The following MAF variants were observed in gnomAD, a reference collection of about 807,000 sequenced individuals.
The protein encoded by MAF is MAF bZIP transcription factor.
Under a neutral mutation model 22.0 loss-of-function variants are expected in MAF, and 10 were observed. That is an observed-to-expected ratio of 0.45 (90% CI 0.28 to 0.77). The LOEUF (loss-of-function observed/expected upper bound fraction) is 0.77. Ranked by LOEUF, MAF falls within the 30% of genes least tolerant of loss-of-function variation. MAF has a pLI of 0.12. For synonymous variants in MAF, 337 were observed against 255.8 expected, an observed-to-expected ratio of 1.32 and a Z score of -3.03; for missense variants, 544 against 548.4, an observed-to-expected ratio of 0.99 and a Z score of 0.08.
the MAF span, among the ~76,000 whole-genome samples, chr16:79,453,207 C>G: frequency 2.6e-5 from 4 of 152,156 alleles, no homozygotes; most frequent in African/African-American, 9.7e-5. Flanking sequence ...TTATCTGCCT[C>G]TATTCTGAGG....
At chr16:79,450,195 A>G in the MAF span, among the ~76,000 whole-genome samples, 3 of 152,222 alleles carry the variant, frequency 2.0e-5, no homozygotes, top group Admixed American at 2.0e-4. Context: ...TTTAAAACCA[A>G]ATAAACCCGC....
At chr16:79,276,818 G>T in the MAF span, among the ~76,000 whole-genome samples, 1 of 152,156 alleles carries the variant, frequency 6.6e-6, no homozygotes, top group Admixed American at 6.5e-5. Context: ...TCTCCCCACA[G>T]TTCTGGAGGC....
chr16:79,565,850 C>T, the MAF span, among the ~76,000 whole-genome samples: 11 of 152,120 alleles, frequency 7.2e-5, no homozygotes, highest in Non-Finnish European at 1.2e-4. Context: ...TGAAATATTC[C>T]GAGGTAGGCA....
At chr16:79,439,460 C>T in the MAF span, among the ~76,000 whole-genome samples, 12 of 151,900 alleles carry the variant, frequency 7.9e-5, no homozygotes, top group Admixed American at 2.6e-4. Flanking sequence ...CAGGGTTTCA[C>T]CTTGTTAGCC....
the MAF span, among the ~76,000 whole-genome samples, chr16:79,289,097 G>A: frequency 1.3e-5 from 2 of 152,198 alleles, no homozygotes; most frequent in African/African-American, 2.4e-5. Flanking sequence ...TTTGGTCTTA[G>A]TGAAGTATGA....
the MAF span, among the ~76,000 whole-genome samples, chr16:79,467,048 C>G: frequency 2.0e-4 from 30 of 152,246 alleles, no homozygotes; most frequent in Admixed American, 4.6e-4. Flanking sequence ...CTGGAAAGAT[C>G]TTTTCAATAT....
At chr16:79,343,333 G>A in the MAF span, among the ~76,000 whole-genome samples, 98 of 152,046 alleles carry the variant, frequency 6.4e-4, no homozygotes, top group African/African-American at 1.8e-3. Context: ...GACTTCCTAT[G>A]TTAGCCTCTG....
the MAF span, among the ~76,000 whole-genome samples, chr16:79,571,274 G>T: frequency 6.6e-6 from 1 of 152,092 alleles, no homozygotes; most frequent in African/African-American, 2.4e-5. Context: ...TGAAGAATCA[G>T]CTCCACCCTC....
the MAF span, among the ~76,000 whole-genome samples, chr16:79,263,525 T>G: frequency 6.6e-6 from 1 of 152,238 alleles, no homozygotes; most frequent in South Asian, 2.1e-4. Flanking sequence ...AAATTTAACT[T>G]TGTTTCTTCA....
At chr16:79,234,165 C>T in the MAF span, among the ~76,000 whole-genome samples, 2 of 152,092 alleles carry the variant, frequency 1.3e-5, no homozygotes, top group East Asian at 3.8e-4. Flanking sequence ...CTGTCCTTCA[C>T]ACTTGTGTGG....
At chr16:79,354,139 T>G in the MAF span, among the ~76,000 whole-genome samples, 1 of 151,994 alleles carries the variant, frequency 6.6e-6, no homozygotes, top group Non-Finnish European at 1.5e-5. Flanking sequence ...GGACTACAAG[T>G]GCGCACCACC....
the MAF span, among the ~76,000 whole-genome samples, chr16:79,236,627 A>G: frequency 6.6e-6 from 1 of 152,064 alleles, no homozygotes; most frequent in African/African-American, 2.4e-5. Context: ...AAATTAGGGA[A>G]TACTCTTGTT....
chr16:79,225,115 C>T, the MAF span, among the ~76,000 whole-genome samples: 1 of 152,186 alleles, frequency 6.6e-6, no homozygotes, highest in African/African-American at 2.4e-5. Context: ...TCAAAGGATA[C>T]TACAAGGCTA....
chr16:79,335,023 A>G, the MAF span, among the ~76,000 whole-genome samples: 583 of 151,958 alleles, frequency 3.8e-3, 5 homozygotes, highest in African/African-American at 0.014. Context: ...TGTCTCTACT[A>G]AAAATACAAA....
the MAF span, among the ~76,000 whole-genome samples, chr16:79,305,855 T>C: frequency 6.6e-6 from 1 of 152,310 alleles, no homozygotes; most frequent in Non-Finnish European, 1.5e-5. Context: ...ACCATTTCTG[T>C]AGCTGCAGGC....
chr16:79,537,696 G>A, the MAF span, among the ~76,000 whole-genome samples: 20 of 152,294 alleles, frequency 1.3e-4, no homozygotes, highest in South Asian at 4.1e-4. Context: ...GATGCCATGA[G>A]ATCCACCACC....
chr16:79,381,173 C>A, the MAF span, among the ~76,000 whole-genome samples: 1 of 152,148 alleles, frequency 6.6e-6, no homozygotes. Flanking sequence ...CGTTCAACAG[C>A]ATGTGCCTGC....
the MAF span, among the ~76,000 whole-genome samples, chr16:79,313,825 GGGGGATAGA>G: frequency 1.3e-5 from 2 of 152,106 alleles, no homozygotes; most frequent in African/African-American, 4.8e-5. Context: ...CTTGGAGTCA[GGGGGATAGA>G]GGTGTAAGTC....
chr16:79,458,109 A>AGTGTGTGTGTGTGTGT, the MAF span, among the ~76,000 whole-genome samples: 17,442 of 136,204 alleles, frequency 0.13, 1,653 homozygotes, highest in Non-Finnish European at 0.18. Flanking sequence ...GGTATGTATA[A>AGTGTGTGTGTGTGTGT]GTGTGTGTGT....
Sources: gnomAD v4.1 joint callset for allele counts (sites outside exome capture counted in the v4.1 genomes callset) on GRCh38, gnomAD v4.1.1 for gene constraint, MANE v1.5 for transcripts, NCBI Gene and HGNC (gene_info 2026-07-23, HGNC 2026-07-21) for gene names.